Variants in GNL3L observed in about 807,000 individuals in gnomAD.
The protein encoded by GNL3L is guanine nucleotide-binding protein-like 3-like protein.
A neutral mutation model predicts 42.9 loss-of-function variants in GNL3L; 4 were observed. The ratio of observed to expected loss-of-function variants is 0.09; its 90% CI spans 0.05 to 0.21. GNL3L has a LOEUF of 0.21. Among genes scored for constraint, GNL3L ranks in the 10% least tolerant of loss-of-function variants. The pLI is 1.00. For synonymous variants in GNL3L, 159 were observed against 176.3 expected (o/e 0.90, Z 0.78); for missense variants, 412 against 481.7 (o/e 0.86, Z 1.36).
intron 3 of GNL3L, among the ~76,000 whole-genome samples, chrX:54,539,419 T>C (rs1256574781): frequency 9.0e-6 from 1 of 111,435 alleles, no homozygotes; most frequent in East Asian, 2.8e-4. Context: ...GATTCTCAAG[T>C]CCCTGTTTCT....
chrX:54,587,096 G>A (rs1925793280), intron 16 of GNL3L, among the ~76,000 whole-genome samples: 1 of 111,478 alleles, frequency 9.0e-6, no homozygotes, highest in Admixed American at 9.6e-5. Context: ...CACCTACCTG[G>A]TCCACTGCTG....
intron 16 of GNL3L, among the ~76,000 whole-genome samples, chrX:54,613,765 A>G (rs930161827): frequency 9.0e-6 from 1 of 110,745 alleles, no homozygotes; most frequent in Non-Finnish European, 1.9e-5. Flanking sequence ...AACATGAACC[A>G]TCTGTGGGTC....
At position 54,540,127 on chromosome X, in the gene GNL3L, G is replaced by A. The variant is rs1374607351; in HGVS notation, c.82-8G>A. On this transcript the variant is annotated splice_region_variant and splice_polypyrimidine_tract_variant and intron_variant, in intron 3 of 15. Transcript: ENST00000360845. ...ACCTCTGTTTTTTTTCTCTTATGTGGTGGCCAGCCTGCAAAGCAAAATGGG... is the reference window on the plus strand; with the variant it reads ...ACCTCTGTTTTTTTTCTCTTATGTGATGGCCAGCCTGCAAAGCAAAATGGG... The A allele has an allele frequency of 8.6e-7, 1 of 1,162,774 alleles. No homozygotes were observed. Among genetic ancestry groups the A allele is most frequent in the African/African-American group, 1.8e-5 (1 of 56,238 alleles).
chrX:54,579,027 G>A (rs1483047487), intron 16 of GNL3L, among the ~76,000 whole-genome samples: 1 of 111,772 alleles, frequency 8.9e-6, no homozygotes, highest in Non-Finnish European at 1.9e-5. Flanking sequence ...CTGTAAACAA[G>A]GATTTGTTTA....
downstream of GNL3L, among the ~76,000 whole-genome samples, chrX:54,624,288 A>G (rs1926326549): frequency 1.1e-5 from 1 of 88,278 alleles, no homozygotes; most frequent in South Asian, 4.1e-4. Context: ...ATAGTTTTAC[A>G]TCTTTCTGTA....
intron 16 of GNL3L, among the ~76,000 whole-genome samples, chrX:54,593,738 T>A (rs938030315): frequency 1.3e-4 from 15 of 111,428 alleles, no homozygotes; most frequent in Non-Finnish European, 2.8e-4. Context: ...CACTTATAGC[T>A]ATAAACTTCC....
At position 54,560,908 on chromosome X, in the gene GNL3L, G is replaced by A. The variant is rs1925245667; in HGVS notation, c.*306G>A. On this transcript the variant is annotated 3_prime_UTR_variant, in exon 16 of 16. Transcript: ENST00000360845. ...ATACAAAAAAATTTAGCCGTGCTTA[G>A]TGGCACCTATAATCCCAGCTACTTG... 1 of 148,431 alleles carries A rather than the reference G, an allele frequency of 6.7e-6. No homozygotes were observed. The highest frequency in any genetic ancestry group is 3.2e-5 in the African/African-American group (1 of 31,677). 12.2% of individuals were successfully genotyped at this position (148,431 alleles called of 1,213,427 possible).
At chrX:54,596,292 C>T (rs768378299) in intron 16 of GNL3L, among the ~76,000 whole-genome samples, 9 of 112,048 alleles carry the variant, frequency 8.0e-5, no homozygotes, top group South Asian at 3.8e-4. Context: ...AGCACAGTAA[C>T]GCTGTGGTTC....
At chrX:54,605,423 C>A (rs566524965) in intron 16 of GNL3L, among the ~76,000 whole-genome samples, 4 of 111,221 alleles carry the variant, frequency 3.6e-5, no homozygotes, top group Non-Finnish European at 7.5e-5. Flanking sequence ...TAGCCTAGAT[C>A]CGAATTTCAC....
chrX:54,627,879 G>A, the GNL3L span, among the ~76,000 whole-genome samples: 1 of 110,728 alleles, frequency 9.0e-6, no homozygotes, highest in African/African-American at 3.3e-5. Flanking sequence ...AACAGGTGGT[G>A]TTACAGGTGG....
rs1379243808 is a variant in GNL3L at position 54,537,433 on chromosome X, G to T, written c.20-1607G>T. The stretch of plus-strand genomic sequence containing the variant: ...TCAGAAAATTATTGCTTCTCCATTT[G>T]TACCCTTTTCTCTTTCAGGAACTCC... On this transcript the variant is annotated intron_variant, in intron 2 of 15. Coordinates refer to ENST00000360845, the MANE Select transcript of GNL3L (RefSeq NM_001184819.2). Among the ~76,000 whole-genome samples, 3 of 111,257 alleles carry T rather than the reference G, an allele frequency of 2.7e-5. No homozygotes were observed. The Admixed American group carries it at 2.9e-4, about 11-fold the overall frequency.
intron 5 of GNL3L, 56 bp from the exon 6 acceptor site, chrX:54,542,899 T>C (rs760237282): frequency 4.4e-5 from 33 of 743,740 alleles, no homozygotes; most frequent in Non-Finnish European, 6.6e-5. Flanking sequence ...CCTGCTTCTC[T>C]TTCTCGCTCT....
rs910887824 is a variant in GNL3L, at chrX:54,566,678, T to C, written c.*6076T>C. 8.9e-6 allele frequency among the ~76,000 whole-genome samples: 1 copy of C among 112,708 alleles called. No homozygotes were observed. The highest frequency in any genetic ancestry group is 1.9e-5 in the Non-Finnish European group (1 of 53,374). The stretch of plus-strand genomic sequence containing the variant: ...TGAGTATTATTCTATTGTGTGTATA[T>C]ACCACATTTTATTTATCCATTCATC... On this transcript the variant is annotated 3_prime_UTR_variant, in exon 16 of 16. Transcript: ENST00000360845.
At chrX:54,583,192 T>A (rs935841501) in intron 16 of GNL3L, among the ~76,000 whole-genome samples, 1 of 111,003 alleles carries the variant, frequency 9.0e-6, no homozygotes, top group Non-Finnish European at 1.9e-5. Flanking sequence ...TTATTTATTT[T>A]ATTTATTTAT....
the GNL3L span, among the ~76,000 whole-genome samples, chrX:54,642,632 T>A: frequency 6.0e-4 from 67 of 111,587 alleles, 1 homozygote; most frequent in African/African-American, 2.1e-3. Context: ...GGCTCCTTCT[T>A]GTCATTGTCT....
In GNL3L at chrX:54,560,548, C is replaced by T. The variant is rs1280299962; in HGVS notation, c.1695C>T (p.Ser565=). 8.5e-7 allele frequency: 1 copy of T among 1,178,509 alleles called. No homozygotes were observed. Among genetic ancestry groups the T allele is most frequent in the Admixed American group, 2.2e-5 (1 of 45,994 alleles). Residue 565 remains serine (S), a synonymous_variant, in exon 16 of 16, where the codon TCC becomes TCT. Transcript: ENST00000360845. ...AAATCGCCAGCAAGCTGTCTGATTCCATGATGTCTGCTCTCGACCTCTCTG... is the reference window on the plus strand; with the variant it reads ...AAATCGCCAGCAAGCTGTCTGATTCTATGATGTCTGCTCTCGACCTCTCTG... ...ADKIASKLSD[S]MMSALDLSGN...
rs1351452881 is a variant in GNL3L at position 54,566,865 on chromosome X, C to A, written c.*6263C>A. Among the ~76,000 whole-genome samples the A allele has an allele frequency of 3.6e-5, 4 of 111,774 alleles. 1 individual carries two copies. The Admixed American group carries it at 3.8e-4, about 11-fold the overall frequency. On this transcript the variant is annotated 3_prime_UTR_variant, in exon 16 of 16. Transcript: ENST00000360845. ...CATAGGTCACTGTAGCTTCGACCTC[C>A]TGGGCTCAAGCGAACCTCCCACCTC...
Position 54,565,487 on chromosome X carries a change from A to G in GNL3L, c.*4885A>G, listed in dbSNP as rs1229901655. Among the ~76,000 whole-genome samples, 1 of 111,256 alleles carries G rather than the reference A, an allele frequency of 9.0e-6. No homozygotes were observed. The highest frequency in any genetic ancestry group is 1.9e-5 in the Non-Finnish European group (1 of 53,097). On this transcript the variant is annotated 3_prime_UTR_variant, in exon 16 of 16. Coordinates refer to ENST00000360845, the MANE Select transcript of GNL3L (RefSeq NM_001184819.2). The stretch of plus-strand genomic sequence containing the variant: ...GTGTCAGTTTAGTTTTTTAATTTTT[A>G]AATTTTTTAATTTTTTTAATACATT...
intron 12 of GNL3L, 54 bp downstream of exon 12, chrX:54,552,028 A>G (rs1048733043): frequency 5.1e-5 from 59 of 1,159,170 alleles, no homozygotes; most frequent in Admixed American, 4.1e-4. Flanking sequence ...TGGCTCCCCA[A>G]AGGGGCTCAT....
Sources: allele counts gnomAD v4.1 joint callset (sites outside exome capture counted in the v4.1 genomes callset), GRCh38; gene constraint gnomAD v4.1.1; transcripts MANE v1.5; gene names NCBI Gene and HGNC (gene_info 2026-07-23, HGNC 2026-07-21).